KAZN: variants seen among roughly 807,000 people sequenced by gnomAD.
The protein encoded by KAZN is kazrin.
KAZN carries 40 observed loss-of-function variants against 87.4 expected under a neutral mutation model. That is an observed-to-expected ratio of 0.46 (90% CI 0.36 to 0.60). The LOEUF (loss-of-function observed/expected upper bound fraction) is 0.60. Among genes scored for constraint, KAZN ranks in the 20% least tolerant of loss-of-function variants. KAZN has a pLI of 0.00. For synonymous variants in KAZN, 466 were observed against 458.3 expected, an observed-to-expected ratio of 1.02 and a Z score of -0.22; for missense variants, 898 against 1,073.9, an observed-to-expected ratio of 0.84 and a Z score of 2.29.
At chr1:14,161,820 C>A (rs1645716492) in intron 1 of KAZN, among the ~76,000 whole-genome samples, 1 of 152,330 alleles carries the variant, frequency 6.6e-6, no homozygotes, top group South Asian at 2.1e-4. Context: ...AACTCAAAGT[C>A]TGGAATCTCA....
intron 1 of KAZN, among the ~76,000 whole-genome samples, chr1:14,864,358 T>C (rs1228191213): frequency 6.6e-6 from 1 of 151,664 alleles, no homozygotes; most frequent in African/African-American, 2.4e-5. Context: ...TGGTCAGGAG[T>C]TCGAGACCAG....
intron 2 of KAZN, among the ~76,000 whole-genome samples, chr1:14,214,039 G>C (rs926312915): frequency 1.3e-5 from 2 of 152,182 alleles, no homozygotes; most frequent in Non-Finnish European, 2.9e-5. Context: ...GAAATGCCAA[G>C]TTTGAGGTGC....
intron 2 of KAZN, among the ~76,000 whole-genome samples, chr1:14,342,575 A>G (rs1054861470): frequency 1.4e-4 from 21 of 152,240 alleles, no homozygotes; most frequent in African/African-American, 4.8e-4. Flanking sequence ...AATGAATGCT[A>G]TGAGATAATT....
Position 14,412,941 on chromosome 1 carries a change from A to G in KAZN, c.250-186042A>G, listed in dbSNP as rs911777715. Among the ~76,000 whole-genome samples the G allele has an allele frequency of 2.0e-5, 3 of 149,364 alleles. 1 individual carries two copies. The highest frequency in any genetic ancestry group is 4.2e-4 in the South Asian group (2 of 4,780). On this transcript the variant is annotated intron_variant, in intron 2 of 16. Transcript: ENST00000636203. ...AAATAGGATGCTCAGATTTAATCCT[A>G]TATATAATACATAAATATATAAAAT...
chr1:15,018,293 C>A (rs1003357472), intron 2 of KAZN, among the ~76,000 whole-genome samples: 1 of 152,072 alleles, frequency 6.6e-6, no homozygotes, highest in Non-Finnish European at 1.5e-5. Context: ...GAATGGCGGT[C>A]TAAATATTTT....
chr1:14,831,388 G>A (rs797007115), intron 1 of KAZN, among the ~76,000 whole-genome samples: 29 of 152,224 alleles, frequency 1.9e-4, no homozygotes, highest in African/African-American at 5.5e-4. Context: ...AAAGTGGGAC[G>A]CCTCCCTTCC....
At chr1:13,982,507 C>T (rs1194039577) in intron 1 of KAZN, among the ~76,000 whole-genome samples, 2 of 152,120 alleles carry the variant, frequency 1.3e-5, no homozygotes, top group South Asian at 2.1e-4. Flanking sequence ...TTGCAAAGAG[C>T]GAAAGAACAA....
intron 1 of KAZN, among the ~76,000 whole-genome samples, chr1:14,740,000 C>T (rs564282605): frequency 2.0e-5 from 3 of 152,162 alleles, no homozygotes; most frequent in East Asian, 1.9e-4. Context: ...CAGTTGAGAA[C>T]GGGGGAAAGA....
At chr1:14,055,405 T>C (rs1642506225) in intron 1 of KAZN, among the ~76,000 whole-genome samples, 3 of 152,170 alleles carry the variant, frequency 2.0e-5, no homozygotes, top group Admixed American at 1.3e-4. Flanking sequence ...GGGTGCATGA[T>C]ATATGTGTTG....
intron 2 of KAZN, among the ~76,000 whole-genome samples, chr1:14,529,813 G>A (rs1035508918): frequency 5.9e-5 from 9 of 152,336 alleles, no homozygotes; most frequent in Middle Eastern, 3.4e-3. Context: ...GACACTCCAT[G>A]TTCTATGTGG....
At chr1:14,774,909 C>T (rs553209305) in intron 1 of KAZN, among the ~76,000 whole-genome samples, 12 of 152,310 alleles carry the variant, frequency 7.9e-5, no homozygotes, top group African/African-American at 2.6e-4. Flanking sequence ...CCTTCTCCTT[C>T]GTTCACCTTA....
In KAZN at chr1:15,094,957, G is replaced by C; in HGVS notation, c.1547+24G>C. On this transcript the variant is annotated intron_variant, in intron 10 of 14. Transcript: ENST00000376030. The surrounding 1 kb of genome is among the most constrained non-coding windows in gnomAD (Gnocchi z 4.5). ...AGGTGAGCCCACCACGAGGGGCCCC[G>C]GGGGAGGAGAGAAAAAGTCATCCTG... The C allele has an allele frequency of 1.3e-6, 2 of 1,507,348 alleles. No homozygotes were observed. The highest frequency in any genetic ancestry group is 2.5e-5 in the East Asian group (1 of 40,576). 93.4% of individuals were successfully genotyped at this position (1,507,348 alleles called of 1,614,324 possible).
intron 1 of KAZN, among the ~76,000 whole-genome samples, chr1:14,105,387 C>T (rs1185545686): frequency 6.6e-6 from 1 of 152,178 alleles, no homozygotes; most frequent in Non-Finnish European, 1.5e-5. Flanking sequence ...ACAGAAAGAA[C>T]AGCACATGCA....
At chr1:15,044,418 G>A (rs946878879) in intron 4 of KAZN, among the ~76,000 whole-genome samples, 4 of 152,196 alleles carry the variant, frequency 2.6e-5, no homozygotes, top group East Asian at 3.9e-4. Flanking sequence ...GGAGACGCTG[G>A]GAAACCACTC....
intron 2 of KAZN, among the ~76,000 whole-genome samples, chr1:14,563,621 C>T (rs559814179): frequency 5.9e-4 from 90 of 152,228 alleles, no homozygotes; most frequent in African/African-American, 2.0e-3. Context: ...CTCCCAGTCA[C>T]TCATCCCCAT....
At chr1:14,879,526 G>A (rs188243254) in intron 1 of KAZN, among the ~76,000 whole-genome samples, 1 of 152,146 alleles carries the variant, frequency 6.6e-6, no homozygotes, top group African/African-American at 2.4e-5. Context: ...ACGGCCCTGG[G>A]TGATCTGTCA....
At chr1:13,947,201 A>C (rs1385704086) in intron 1 of KAZN, among the ~76,000 whole-genome samples, 1 of 152,202 alleles carries the variant, frequency 6.6e-6, no homozygotes, top group East Asian at 1.9e-4. Context: ...TCATGGCAGA[A>C]GGGGAAGAAG....
chr1:14,851,478 G>A (rs566433752), intron 1 of KAZN, among the ~76,000 whole-genome samples: 1 of 152,358 alleles, frequency 6.6e-6, no homozygotes, highest in South Asian at 2.1e-4. Context: ...CTTGTTGCAT[G>A]TGCAGAGGGC....
At chr1:14,963,473 C>A (rs1664120265) in intron 2 of KAZN, among the ~76,000 whole-genome samples, 1 of 152,184 alleles carries the variant, frequency 6.6e-6, no homozygotes, top group African/African-American at 2.4e-5. Context: ...GGTATGGTCG[C>A]AGGGAAGGAA....
Sources: gnomAD v4.1 joint callset for allele counts (sites outside exome capture counted in the v4.1 genomes callset) on GRCh38, gnomAD v4.1.1 for gene constraint, Gnocchi (gnomAD v3.1) non-coding constraint, MANE v1.5 for transcripts, NCBI Gene and HGNC (gene_info 2026-07-23, HGNC 2026-07-21) for gene names.